Variants in C8orf34 observed in about 807,000 individuals in gnomAD.
C8orf34 encodes uncharacterized protein C8orf34.
Under a neutral mutation model 68.3 loss-of-function variants are expected in C8orf34, and 65 were observed. The observed-to-expected ratio is 0.95, with a 90% confidence interval of 0.78 to 1.17. The LOEUF (loss-of-function observed/expected upper bound fraction) is 1.17. Among genes scored for constraint, C8orf34 ranks in the 50% most tolerant of loss-of-function variants. The pLI, the probability that C8orf34 is intolerant of heterozygous loss-of-function variation, is 0.00. For missense variants in C8orf34, 664 were observed against 655.4 expected, an observed-to-expected ratio of 1.01 and a Z score of -0.14; for synonymous variants, 244 against 241.2, an observed-to-expected ratio of 1.01 and a Z score of -0.11.
At chr8:68,338,008 A>G (rs1011188371) in intron 1 of C8orf34, among the ~76,000 whole-genome samples, 2 of 152,170 alleles carry the variant, frequency 1.3e-5, no homozygotes, top group Non-Finnish European at 2.9e-5. Flanking sequence ...TTGCACCTAT[A>G]TATAGTCAGT....
intron 7 of C8orf34, among the ~76,000 whole-genome samples, chr8:68,569,896 CT>C (rs1246567265): frequency 6.6e-6 from 1 of 152,302 alleles, no homozygotes; most frequent in Non-Finnish European, 1.5e-5. Context: ...CACAACCTAT[CT>C]GAAGAATTGA....
chr8:68,534,858 C>T (rs981834123), intron 7 of C8orf34: 19 of 985,066 alleles, frequency 1.9e-5, no homozygotes, highest in African/African-American at 5.2e-5. Flanking sequence ...AGCTGAAGAC[C>T]GAGGATTGAG....
At chr8:68,401,704 T>G (rs1440804447) in intron 1 of C8orf34, among the ~76,000 whole-genome samples, 1 of 152,164 alleles carries the variant, frequency 6.6e-6, no homozygotes, top group African/African-American at 2.4e-5. Flanking sequence ...CATGTATTGA[T>G]TCATGTATGT....
At chr8:68,757,188 C>T (rs1822887003) in intron 10 of C8orf34, among the ~76,000 whole-genome samples, 1 of 152,058 alleles carries the variant, frequency 6.6e-6, no homozygotes, top group Non-Finnish European at 1.5e-5. Flanking sequence ...TTCAAGCCAA[C>T]TTTCAAAATG....
intron 1 of C8orf34, among the ~76,000 whole-genome samples, chr8:68,383,997 G>C (rs1042349645): frequency 2.0e-5 from 3 of 152,168 alleles, no homozygotes; most frequent in African/African-American, 4.8e-5. Flanking sequence ...ATTTCAAACT[G>C]TCTGCCATTC....
chr8:68,686,657 C>T (rs190959004), intron 8 of C8orf34, among the ~76,000 whole-genome samples: 21 of 152,172 alleles, frequency 1.4e-4, no homozygotes, highest in Non-Finnish European at 2.4e-4. Context: ...ATGAAACACC[C>T]AGTCAACATC....
intron 1 of C8orf34, among the ~76,000 whole-genome samples, chr8:68,410,461 A>T (rs182304300): frequency 6.6e-6 from 1 of 152,274 alleles, no homozygotes; most frequent in East Asian, 1.9e-4. Flanking sequence ...ATATGGGAGG[A>T]TGTGCATAAG....
intron 1 of C8orf34, among the ~76,000 whole-genome samples, chr8:68,367,724 G>A (rs1340402915): frequency 7.1e-6 from 1 of 140,086 alleles, no homozygotes; most frequent in Non-Finnish European, 1.5e-5. Context: ...ACAAGAAAGG[G>A]AATACCACAC....
chr8:68,444,896 A>G (rs1466015712), intron 2 of C8orf34, among the ~76,000 whole-genome samples: 1 of 152,116 alleles, frequency 6.6e-6, no homozygotes. Context: ...TTTTTCTCCC[A>G]TTACCTATGT....
At chr8:68,744,444 G>A (rs1204725667) in intron 10 of C8orf34, among the ~76,000 whole-genome samples, 1 of 152,104 alleles carries the variant, frequency 6.6e-6, no homozygotes, top group Non-Finnish European at 1.5e-5. Context: ...CTGAGCTATG[G>A]GAGGACATTC....
At chr8:68,463,300 T>A (rs1811939029) in intron 3 of C8orf34, among the ~76,000 whole-genome samples, 1 of 152,048 alleles carries the variant, frequency 6.6e-6, no homozygotes. Flanking sequence ...CAATAATCAA[T>A]AGCTTACCAA....
intron 3 of C8orf34, among the ~76,000 whole-genome samples, chr8:68,449,528 T>A (rs958005316): frequency 6.6e-6 from 1 of 152,068 alleles, no homozygotes; most frequent in Non-Finnish European, 1.5e-5. Context: ...ATATTGTGGG[T>A]TCAGTTCCAG....
intron 1 of C8orf34, among the ~76,000 whole-genome samples, chr8:68,337,924 T>G (rs1731289111): frequency 1.3e-5 from 2 of 152,192 alleles, no homozygotes; most frequent in Admixed American, 1.3e-4. Flanking sequence ...TGCTGGAACA[T>G]AAGAAAGAGT....
intron 7 of C8orf34, among the ~76,000 whole-genome samples, chr8:68,573,597 G>T (rs1816818376): frequency 6.6e-6 from 1 of 152,144 alleles, no homozygotes; most frequent in Admixed American, 6.6e-5. Flanking sequence ...CTAGTTAAAA[G>T]TGGCGTCCAG....
At chr8:68,698,532 G>A (rs554671690) in intron 8 of C8orf34, among the ~76,000 whole-genome samples, 110 of 152,172 alleles carry the variant, frequency 7.2e-4, no homozygotes, top group Non-Finnish European at 7.4e-5. Flanking sequence ...ATACAGAAGA[G>A]GGGCTGGTTT....
At chr8:68,347,082 C>T (rs912395340) in intron 1 of C8orf34, among the ~76,000 whole-genome samples, 2 of 151,890 alleles carry the variant, frequency 1.3e-5, no homozygotes, top group Non-Finnish European at 2.9e-5. Flanking sequence ...TAGTACCCAA[C>T]AGTTATCATT....
intron 10 of C8orf34, among the ~76,000 whole-genome samples, chr8:68,723,921 T>C (rs1821754273): frequency 6.6e-6 from 1 of 152,186 alleles, no homozygotes; most frequent in Non-Finnish European, 1.5e-5. Flanking sequence ...TGCAAAAGTT[T>C]GTTATAGGTC....
intron 13 of C8orf34, among the ~76,000 whole-genome samples, chr8:68,817,351 A>G (rs1463433246): frequency 6.6e-6 from 1 of 152,144 alleles, no homozygotes; most frequent in Non-Finnish European, 1.5e-5. Context: ...TTGATAAAAG[A>G]GTTAGCTGGG....
At chr8:68,818,085 T>A (rs969278180) in intron 13 of C8orf34, among the ~76,000 whole-genome samples, 154 bp from the exon 14 acceptor site, 1 of 152,188 alleles carries the variant, frequency 6.6e-6, no homozygotes, top group African/African-American at 2.4e-5. Context: ...TGGCTGCAAA[T>A]ATGATTAATA....
Sources: gnomAD v4.1 joint callset for allele counts (sites outside exome capture counted in the v4.1 genomes callset) on GRCh38, gnomAD v4.1.1 for gene constraint, MANE v1.5 for transcripts, NCBI Gene and HGNC (gene_info 2026-07-23, HGNC 2026-07-21) for gene names.